The following UBAC2 variants were observed in gnomAD, a reference collection of about 807,000 sequenced individuals.
UBAC2 encodes the protein ubiquitin-associated domain-containing protein 2.
In UBAC2, 26 loss-of-function variants were observed where a neutral mutation model predicts 44.0. The ratio of observed to expected loss-of-function variants is 0.59; its 90% CI spans 0.43 to 0.82. UBAC2 has a LOEUF of 0.82. Among genes scored for constraint, UBAC2 ranks in the 40% least tolerant of loss-of-function variants. UBAC2 has a pLI of 0.00. For synonymous variants in UBAC2, 155 were observed against 154.3 expected (o/e 1.00, Z -0.04); for missense variants, 329 against 419.4 (o/e 0.78, Z 1.88).
rs556683308 is a variant in UBAC2, at chr13:99,209,047, G to A, written c.31+8108G>A. On this transcript the variant is annotated intron_variant, in intron 1 of 8. Transcript: ENST00000403766. ...AACCTAAGACCCTCTGCTGGCTCTCGCGCACAGCCTGGCTGGGACTGCGTG... is the reference window on the plus strand; with the variant it reads ...AACCTAAGACCCTCTGCTGGCTCTCACGCACAGCCTGGCTGGGACTGCGTG... 2.0e-4 allele frequency among the ~76,000 whole-genome samples: 30 copies of A among 152,326 alleles called. No homozygotes were observed. In the South Asian group the frequency reaches 2.3e-3, roughly 12 times the overall value.
At chr13:99,238,668 ATATT>A (rs2043267511) in intron 2 of UBAC2, 114 bp downstream of exon 2, 1 of 939,700 alleles carries the variant, frequency 1.1e-6, no homozygotes, top group South Asian at 3.5e-5. Context: ...TTTGTAAGAA[ATATT>A]TATTATTAAT....
chr13:99,286,574 G>C (rs1034700506), intron 4 of UBAC2, among the ~76,000 whole-genome samples: 36 of 151,970 alleles, frequency 2.4e-4, no homozygotes, highest in African/African-American at 8.5e-4. Flanking sequence ...GTGTCACTCA[G>C]GCTTGGGGTA....
chr13:99,364,275 G>C (rs2045302723), intron 7 of UBAC2, among the ~76,000 whole-genome samples: 1 of 151,006 alleles, frequency 6.6e-6, no homozygotes, highest in Non-Finnish European at 1.5e-5. Context: ...ATGAGCGTTT[G>C]ATTTTTCTCC....
intron 1 of UBAC2, among the ~76,000 whole-genome samples, chr13:99,203,228 G>A (rs1487064175): frequency 6.6e-6 from 1 of 152,078 alleles, no homozygotes; most frequent in Non-Finnish European, 1.5e-5. Flanking sequence ...TAGAGACGGG[G>A]TTTTGCCATG....
intron 6 of UBAC2, among the ~76,000 whole-genome samples, chr13:99,337,571 A>AG (rs1156931991): frequency 1.3e-5 from 2 of 152,104 alleles, no homozygotes; most frequent in African/African-American, 4.8e-5. Context: ...TTTCATCCTA[A>AG]GGATTTATAT....
At chr13:99,276,787 G>A (rs918517700) in intron 4 of UBAC2, among the ~76,000 whole-genome samples, 4 of 152,182 alleles carry the variant, frequency 2.6e-5, no homozygotes, top group African/African-American at 7.2e-5. Context: ...TGGTTGAAAG[G>A]GGCTCATTAT....
intron 6 of UBAC2, among the ~76,000 whole-genome samples, chr13:99,323,444 C>CA (rs749975339): frequency 6.6e-6 from 1 of 152,042 alleles, no homozygotes; most frequent in Non-Finnish European, 1.5e-5. Flanking sequence ...CTACAAAAAA[C>CA]AAACAAACAA....
chr13:99,322,517 A>G (rs2044581609), intron 6 of UBAC2, among the ~76,000 whole-genome samples: 1 of 151,964 alleles, frequency 6.6e-6, no homozygotes, highest in Admixed American at 6.6e-5. Context: ...TCTTTACTTG[A>G]CCCTCTTTTA....
chr13:99,264,963 C>T (rs973765206), intron 4 of UBAC2, among the ~76,000 whole-genome samples: 1 of 141,560 alleles, frequency 7.1e-6, no homozygotes, highest in Non-Finnish European at 1.6e-5. Flanking sequence ...TCTTTGCCAT[C>T]GCTGTTTTTT....
intron 1 of UBAC2, among the ~76,000 whole-genome samples, chr13:99,214,407 A>G (rs1449623179): frequency 1.3e-5 from 2 of 151,968 alleles, no homozygotes; most frequent in African/African-American, 4.8e-5. Flanking sequence ...AAGAGGCTCA[A>G]ACTTGAAATG....
At chr13:99,245,975 A>G (rs2043378440) in intron 4 of UBAC2, among the ~76,000 whole-genome samples, 1 of 152,244 alleles carries the variant, frequency 6.6e-6, no homozygotes, top group Admixed American at 6.5e-5. Flanking sequence ...GAAATGAGAT[A>G]GTATGAAATA....
In UBAC2 at chr13:99,244,644, TG is replaced by T; in HGVS notation, c.389+21del. The T allele has an allele frequency of 6.9e-7, 1 of 1,438,890 alleles. No homozygotes were observed. Among genetic ancestry groups the T allele is most frequent in the Non-Finnish European group, 9.8e-7 (1 of 1,023,490 alleles). The allele number at this position is 1,438,890 out of a possible 1,614,324, so 89.1% of individuals were successfully genotyped here. On this transcript the variant is annotated intron_variant, in intron 4 of 8. Coordinates refer to ENST00000403766, the MANE Select transcript of UBAC2 (RefSeq NM_001144072.2). The stretch of plus-strand genomic sequence containing the variant: ...TGGATTGTAAGTAGCACTTAAAGAT[TG>T]ACTTAATTTAGAACTACTTGAATCT...
intron 1 of UBAC2, among the ~76,000 whole-genome samples, chr13:99,231,961 G>A (rs1376066039): frequency 1.3e-5 from 2 of 152,172 alleles, no homozygotes; most frequent in African/African-American, 4.8e-5. Context: ...TGAAGAGCTG[G>A]TGTTGTTTTA....
intron 4 of UBAC2, among the ~76,000 whole-genome samples, chr13:99,251,598 C>T (rs1002686897): frequency 3.9e-5 from 6 of 152,158 alleles, no homozygotes; most frequent in Non-Finnish European, 8.8e-5. Context: ...AAAATGCAGG[C>T]TTAACCACAC....
chr13:99,383,152 A>ATGTG (rs137873801), intron 8 of UBAC2, among the ~76,000 whole-genome samples: 1 of 151,898 alleles, frequency 6.6e-6, no homozygotes, highest in Non-Finnish European at 1.5e-5. Context: ...AGTAGTGTGC[A>ATGTG]TGTGTGTGTG....
chr13:99,284,359 G>A (rs532928952), intron 4 of UBAC2, among the ~76,000 whole-genome samples: 1 of 152,286 alleles, frequency 6.6e-6, no homozygotes, highest in Admixed American at 6.5e-5. Flanking sequence ...TTTCTTTTCA[G>A]TAGCTACCAA....
intron 1 of UBAC2, among the ~76,000 whole-genome samples, chr13:99,203,461 G>A (rs2042831359): frequency 6.6e-6 from 1 of 152,236 alleles, no homozygotes; most frequent in Non-Finnish European, 1.5e-5. Flanking sequence ...TCCCTTTCCA[G>A]GGATAAATCC....
At chr13:99,201,486 G>T (rs2042798535) in intron 1 of UBAC2, 1 of 1,614,218 alleles carries the variant, frequency 6.2e-7, no homozygotes, top group Non-Finnish European at 8.5e-7. Flanking sequence ...CAAGTGGAGG[G>T]AAGTTAGGAA....
chr13:99,247,403 A>G (rs1159346908), intron 4 of UBAC2, among the ~76,000 whole-genome samples: 4 of 151,250 alleles, frequency 2.6e-5, no homozygotes, highest in Non-Finnish European at 1.5e-5. Context: ...TTTAGTAGAG[A>G]CGGGGTTTCA....
Sources: gnomAD v4.1 joint callset for allele counts (sites outside exome capture counted in the v4.1 genomes callset) on GRCh38, gnomAD v4.1.1 for gene constraint, MANE v1.5 for transcripts, NCBI Gene and HGNC (gene_info 2026-07-23, HGNC 2026-07-21) for gene names.